The following DNAJC1 variants were observed in gnomAD, a reference collection of about 807,000 sequenced individuals.
The protein encoded by DNAJC1 is dnaJ homolog subfamily C member 1.
Under a neutral mutation model 76.6 loss-of-function variants are expected in DNAJC1, and 58 were observed. The observed-to-expected ratio is 0.76, with a 90% CI of 0.61 to 0.94. The LOEUF is 0.94. Ranked by LOEUF, DNAJC1 falls within the 40% of genes least tolerant of loss-of-function variation. The pLI is 0.00. For missense variants in DNAJC1, 689 were observed against 677.3 expected (o/e 1.02, Z -0.19); for synonymous variants, 258 against 267.9 (o/e 0.96, Z 0.36).
intron 8 of DNAJC1, among the ~76,000 whole-genome samples, chr10:21,848,491 G>C (rs1835696171): frequency 1.3e-5 from 2 of 151,996 alleles, no homozygotes; most frequent in Non-Finnish European, 2.9e-5. Context: ...TGCTTTTGAG[G>C]TCTTACCCCT....
At chr10:21,887,643 T>C (rs561889699) in intron 7 of DNAJC1, among the ~76,000 whole-genome samples, 2 of 152,248 alleles carry the variant, frequency 1.3e-5, no homozygotes, top group East Asian at 3.9e-4. Context: ...AGGAAAGGAC[T>C]CCCTATTCAA....
Position 21,888,290 on chromosome 10 carries a change from G to A in DNAJC1, c.821-5851C>T, listed in dbSNP as rs150206612. 9.6e-3 allele frequency among the ~76,000 whole-genome samples: 1,456 copies of A among 152,228 alleles called. 16 individuals are homozygous for A. The highest frequency in any genetic ancestry group is 0.02 in the Middle Eastern group (6 of 294). ...GAACACCTATACACTGTTGGTGGGAGTGAAAATTAGTTCAACCATTATGGA... is the reference window on the plus strand; with the variant it reads ...GAACACCTATACACTGTTGGTGGGAATGAAAATTAGTTCAACCATTATGGA... On this transcript the variant is annotated intron_variant, in intron 7 of 11. Transcript: ENST00000376980.
At chr10:21,947,450 T>C (rs1019516033) in intron 1 of DNAJC1, among the ~76,000 whole-genome samples, 2 of 152,190 alleles carry the variant, frequency 1.3e-5, no homozygotes, top group Non-Finnish European at 1.5e-5. Flanking sequence ...AATAAGAAGA[T>C]GCAAAGATGA....
intron 8 of DNAJC1, among the ~76,000 whole-genome samples, chr10:21,831,521 T>C (rs955306442): frequency 6.6e-6 from 1 of 152,346 alleles, no homozygotes; most frequent in East Asian, 1.9e-4. Context: ...CCGGGTGCAG[T>C]GGCTTGCGCC....
intron 3 of DNAJC1, among the ~76,000 whole-genome samples, chr10:21,924,605 A>G (rs1837091327): frequency 6.6e-6 from 1 of 152,170 alleles, no homozygotes; most frequent in South Asian, 2.1e-4. Flanking sequence ...CTGGGCTACT[A>G]TTTCCCAAAA....
chr10:21,909,987 T>C (rs913466984), intron 6 of DNAJC1, among the ~76,000 whole-genome samples: 1 of 152,178 alleles, frequency 6.6e-6, no homozygotes, highest in African/African-American at 2.4e-5. Context: ...ATGGAGAACA[T>C]ACAATGAGAA....
intron 9 of DNAJC1, among the ~76,000 whole-genome samples, chr10:21,796,476 G>A (rs979582750): frequency 8.5e-5 from 13 of 152,086 alleles, no homozygotes; most frequent in Non-Finnish European, 1.3e-4. Context: ...TTCTAGAATT[G>A]CTAGGTCATA....
chr10:21,985,854 G>A lies in DNAJC1; in HGVS notation c.222+17359C>T, dbSNP rs540346408. 2.6e-5 allele frequency among the ~76,000 whole-genome samples: 4 copies of A among 152,170 alleles called. No homozygotes were observed. In the South Asian group the frequency reaches 8.3e-4, roughly 32 times the overall value. ...AACACTCATGTACAAGTCTTTGTGT[G>A]GACAAATATTTTCACTTCTCTTCTG... is the stretch of plus-strand genomic sequence containing the variant. On this transcript the variant is annotated intron_variant, in intron 1 of 11. Coordinates refer to ENST00000376980, the MANE Select transcript of DNAJC1 (RefSeq NM_022365.4).
Position 21,919,942 on chromosome 10 carries a change from A to G in DNAJC1, c.538-13T>C. ...TTAGTAGTTCATCCTTAATGTGGAAAGAATTATGGTTACAGGTTATCATTA... is the reference window on the plus strand; with the variant it reads ...TTAGTAGTTCATCCTTAATGTGGAAGGAATTATGGTTACAGGTTATCATTA... On this transcript the variant is annotated splice_polypyrimidine_tract_variant and intron_variant, in intron 4 of 11. Transcript: ENST00000376980. The G allele has an allele frequency of 3.9e-6, 6 of 1,520,532 alleles. No individual in the cohort carries two copies. Among genetic ancestry groups the G allele is most frequent in the Non-Finnish European group, 5.4e-6 (6 of 1,110,970 alleles). 94.2% of individuals were successfully genotyped at this position (1,520,532 alleles called of 1,614,324 possible).
chr10:21,910,602 G>A (rs770567113), intron 6 of DNAJC1, among the ~76,000 whole-genome samples: 1 of 151,906 alleles, frequency 6.6e-6, no homozygotes, highest in Non-Finnish European at 1.5e-5. Context: ...ATAAGTGGGA[G>A]CTGAAAAATG....
At chr10:21,836,452 G>T (rs1443051744) in intron 8 of DNAJC1, among the ~76,000 whole-genome samples, 5 of 152,154 alleles carry the variant, frequency 3.3e-5, no homozygotes, top group Non-Finnish European at 7.3e-5. Context: ...ACATCATAAT[G>T]ACAGGATCTA....
At chr10:21,863,568 G>A (rs1677032874) in intron 8 of DNAJC1, among the ~76,000 whole-genome samples, 1 of 151,968 alleles carries the variant, frequency 6.6e-6, no homozygotes, top group Non-Finnish European at 1.5e-5. Context: ...CTAAATTATA[G>A]ACCAATATGT....
chr10:21,837,376 T>C (rs566327753), intron 8 of DNAJC1, among the ~76,000 whole-genome samples: 1 of 151,518 alleles, frequency 6.6e-6, no homozygotes, highest in African/African-American at 2.4e-5. Flanking sequence ...CCGCCCATCG[T>C]CTGGGATGTG....
chr10:21,909,346 G>C (rs935317441), intron 6 of DNAJC1, among the ~76,000 whole-genome samples: 1 of 152,018 alleles, frequency 6.6e-6, no homozygotes, highest in African/African-American at 2.4e-5. Context: ...CATTAAACAG[G>C]GATATTTATG....
At chr10:21,968,840 A>T (rs1837930923) in intron 1 of DNAJC1, among the ~76,000 whole-genome samples, 1 of 152,120 alleles carries the variant, frequency 6.6e-6, no homozygotes, top group South Asian at 2.1e-4. Context: ...GCATATTACA[A>T]ACGCTGCTGC....
At position 21,756,744 on chromosome 10, in the gene DNAJC1, G is replaced by A. The variant is rs778766323; in HGVS notation, c.1608C>T (p.Ile536=). Residue 536 remains isoleucine, a synonymous_variant, in exon 12 of 12, where the codon ATC becomes ATT. Transcript: ENST00000376980. The part of the protein sequence containing the change: ...CVPSKSKEDC[I]ARYKLLVELV... ...GTTCAACCAGCAACTTGTACCTAGC[G>A]ATACAGTCTTCCTGTAGGAAGAAAA... is the stretch of plus-strand genomic sequence containing the variant. The A allele has an allele frequency of 5.6e-6, 9 of 1,613,228 alleles. No homozygotes were observed. In the African/African-American group the frequency reaches 8.0e-5, roughly 14 times the overall value.
At chr10:21,804,448 T>C (rs1047919598) in intron 9 of DNAJC1, among the ~76,000 whole-genome samples, 1 of 152,034 alleles carries the variant, frequency 6.6e-6, no homozygotes, top group East Asian at 1.9e-4. Flanking sequence ...ATGTAATTAG[T>C]AGGTCATAGT....
chr10:21,790,073 GA>G (rs986913754), intron 9 of DNAJC1, among the ~76,000 whole-genome samples: 1 of 69,512 alleles, frequency 1.4e-5, no homozygotes, highest in Admixed American at 1.4e-4. Context: ...TCTAACAGAA[GA>G]AAAAAAAATC....
At chr10:21,956,308 CT>C (rs1837681198) in intron 1 of DNAJC1, among the ~76,000 whole-genome samples, 1 of 152,146 alleles carries the variant, frequency 6.6e-6, no homozygotes, top group African/African-American at 2.4e-5. Context: ...ACCTAATCAC[CT>C]TTTAAAAGTC....
Sources: gnomAD v4.1 joint callset for allele counts (sites outside exome capture counted in the v4.1 genomes callset) on GRCh38, gnomAD v4.1.1 for gene constraint, MANE v1.5 for transcripts, NCBI Gene and HGNC (gene_info 2026-07-23, HGNC 2026-07-21) for gene names.